Variants in OPCML observed in about 807,000 individuals in gnomAD.
The protein encoded by OPCML is opioid binding protein/cell adhesion molecule like.
A neutral mutation model predicts 37.8 loss-of-function variants in OPCML; 13 were observed. That is an observed-to-expected ratio of 0.34 (90% CI 0.22 to 0.55). OPCML has a LOEUF of 0.55. Among genes scored for constraint, OPCML ranks in the 20% least tolerant of loss-of-function variants. The probability of loss-of-function intolerance (pLI) is 0.91; values close to 1 mark genes in which losing one functional copy is unlikely to be tolerated. For missense variants in OPCML, 341 were observed against 435.6 expected (o/e 0.78, Z 1.93); for synonymous variants, 176 against 168.8 (o/e 1.04, Z -0.33).
At chr11:132,641,567 T>C (rs911061290) in intron 3 of OPCML, among the ~76,000 whole-genome samples, 4 of 152,204 alleles carry the variant, frequency 2.6e-5, no homozygotes, top group African/African-American at 9.7e-5. Context: ...ACTGTGGCAG[T>C]CAGCATGCAG....
rs184198772 is a variant in OPCML at position 132,597,884 on chromosome 11, G to T, written c.379+59203C>A. Among the ~76,000 whole-genome samples, 6 of 152,202 alleles carry T rather than the reference G, an allele frequency of 3.9e-5. No individual in the cohort carries two copies. In the East Asian group the frequency reaches 1.2e-3, roughly 29 times the overall value. ...CATTACATATACGCATTTTAATGTG[G>T]CATAGCTTCCTTCTATTCCACACAT... is the stretch of plus-strand genomic sequence containing the variant. On this transcript the variant is annotated intron_variant, in intron 3 of 7. Transcript: ENST00000524381.
chr11:132,505,249 G>A (rs199598858), intron 4 of OPCML, among the ~76,000 whole-genome samples: 28,533 of 151,898 alleles, frequency 0.19, 2,754 homozygotes, highest in Non-Finnish European at 0.2. Flanking sequence ...AAATACTGTG[G>A]AAAAAGGAAA....
At chr11:132,813,341 TC>T (rs1555192891) in intron 2 of OPCML, among the ~76,000 whole-genome samples, 2 of 152,198 alleles carry the variant, frequency 1.3e-5, no homozygotes, top group Non-Finnish European at 2.9e-5. Flanking sequence ...AACATATTTT[TC>T]CGTCAAAAGA....
chr11:132,463,335 G>T (rs139268757), intron 4 of OPCML, among the ~76,000 whole-genome samples: 73 of 152,272 alleles, frequency 4.8e-4, no homozygotes, highest in African/African-American at 1.7e-3. Flanking sequence ...AGATGAAAGG[G>T]CTGAGTTCTC....
chr11:132,991,967 T>C (rs1456450724), intron 1 of OPCML, among the ~76,000 whole-genome samples: 1 of 147,970 alleles, frequency 6.8e-6, no homozygotes, highest in East Asian at 2.0e-4. Flanking sequence ...TTGGGCAGGA[T>C]ATGGTATATA....
At chr11:132,858,812 C>A (rs1942173202) in intron 2 of OPCML, among the ~76,000 whole-genome samples, 1 of 152,138 alleles carries the variant, frequency 6.6e-6, no homozygotes, top group Admixed American at 6.5e-5. Flanking sequence ...GTTCGCAAAC[C>A]TAATTCAATG....
chr11:132,588,403 C>G (rs771963746), intron 3 of OPCML, among the ~76,000 whole-genome samples: 1 of 152,030 alleles, frequency 6.6e-6, no homozygotes, highest in Non-Finnish European at 1.5e-5. Context: ...AGAACAGATG[C>G]CAGTGGAAGA....
rs142199229 is a variant in OPCML, at chr11:133,410,406, T to A, written c.61+121858A>T. On this transcript the variant is annotated intron_variant, in intron 1 of 7. Transcript: ENST00000524381. ...CTCTGGCTATGACTACATCTGTGGT[T>A]GTTGGGAGGCAGGAGGGGAAGATGC... Among the ~76,000 whole-genome samples, 359 of 152,100 alleles carry A rather than the reference T, an allele frequency of 2.4e-3. 2 individuals carry two copies. Among genetic ancestry groups the A allele is most frequent in the African/African-American group, 8.2e-3 (340 of 41,528 alleles).
At position 132,714,655 on chromosome 11, in the gene OPCML, G is replaced by A. The variant is rs1050900023; in HGVS notation, c.147-57336C>T. 4.6e-5 allele frequency among the ~76,000 whole-genome samples: 7 copies of A among 152,286 alleles called. No individual in the cohort carries two copies. In the East Asian group the frequency reaches 5.8e-4, roughly 13 times the overall value. ...GTTGGTGCCAGAGTGGAAACAGGCC[G>A]AGAGCACTGGCTTATCGAAGAGTCT... On this transcript the variant is annotated intron_variant, in intron 2 of 7. Coordinates refer to ENST00000524381, the MANE Select transcript of OPCML (RefSeq NM_001012393.5).
intron 1 of OPCML, among the ~76,000 whole-genome samples, chr11:133,508,572 C>T (rs575853989): frequency 1.3e-5 from 2 of 152,336 alleles, no homozygotes; most frequent in East Asian, 1.9e-4. Context: ...CAAGTCCAGC[C>T]CACAGGAATC....
chr11:133,043,344 T>A (rs946082852), intron 1 of OPCML, among the ~76,000 whole-genome samples: 3 of 152,234 alleles, frequency 2.0e-5, no homozygotes, highest in African/African-American at 7.2e-5. Context: ...CAAGCCATTC[T>A]TAAGGAGCCA....
At chr11:133,412,509 A>G (rs1210978711) in intron 1 of OPCML, among the ~76,000 whole-genome samples, 1 of 152,108 alleles carries the variant, frequency 6.6e-6, no homozygotes, top group African/African-American at 2.4e-5. Context: ...CTCATCATCA[A>G]CCTCATGATA....
In OPCML at chr11:132,573,422, C is replaced by T. The variant is rs191842127; in HGVS notation, c.380-44236G>A. Among the ~76,000 whole-genome samples the T allele has an allele frequency of 2.6e-5, 4 of 152,052 alleles. No homozygotes were observed. In the East Asian group the frequency reaches 7.7e-4, roughly 29 times the overall value. On this transcript the variant is annotated intron_variant, in intron 3 of 7. Transcript: ENST00000524381. ...TTTATCATGTTGATATATTTTCCTTCTTTTCTTAGAAGGAATACTGTGTTG... is the reference window on the plus strand; with the variant it reads ...TTTATCATGTTGATATATTTTCCTTTTTTTCTTAGAAGGAATACTGTGTTG...
At chr11:133,368,073 G>A (rs1382962449) in intron 1 of OPCML, among the ~76,000 whole-genome samples, 2 of 152,162 alleles carry the variant, frequency 1.3e-5, no homozygotes, top group African/African-American at 2.4e-5. Context: ...GCCCTGCCAG[G>A]GCTGGTTATT....
chr11:132,531,188 A>C (rs983252414), intron 3 of OPCML, among the ~76,000 whole-genome samples: 1 of 152,202 alleles, frequency 6.6e-6, no homozygotes, highest in African/African-American at 2.4e-5. Context: ...TTTCTCTTTG[A>C]AAGAAAGATC....
At chr11:132,847,499 G>A (rs1941600207) in intron 2 of OPCML, among the ~76,000 whole-genome samples, 1 of 152,166 alleles carries the variant, frequency 6.6e-6, no homozygotes, top group African/African-American at 2.4e-5. Context: ...ATAAATGTTA[G>A]TGATAGTGAT....
Position 132,943,464 on chromosome 11 carries a change from G to A in OPCML, c.62-454C>T, listed in dbSNP as rs1036187968. 1.3e-5 allele frequency: 4 copies of A among 311,502 alleles called. No individual in the cohort carries two copies. Among genetic ancestry groups the A allele is most frequent in the East Asian group, 6.5e-5 (1 of 15,422 alleles). 19.3% of individuals were successfully genotyped at this position (311,502 alleles called of 1,614,324 possible). A position where few individuals can be genotyped will look rare whatever the true frequency, so the allele number is the denominator to read the frequency against. Reference sequence around the variant, plus strand: ...AGACGCTACTTTAAGATTCAGTTGGGCACGTTCTGCAGAGCTCTGGCATCA... The same window carrying A: ...AGACGCTACTTTAAGATTCAGTTGGACACGTTCTGCAGAGCTCTGGCATCA... On this transcript the variant is annotated intron_variant, in intron 1 of 7. Transcript: ENST00000524381. This position sits in a 1 kb window ranked among gnomAD's most constrained non-coding sequence, Gnocchi z 4.3.
At chr11:133,167,513 C>T (rs1164396919) in intron 1 of OPCML, among the ~76,000 whole-genome samples, 1 of 145,576 alleles carries the variant, frequency 6.9e-6, no homozygotes, top group African/African-American at 2.5e-5. Context: ...GTTTCTTGTG[C>T]CAGCTTTCTT....
At chr11:133,202,982 G>A (rs144491496) in intron 1 of OPCML, among the ~76,000 whole-genome samples, 49 of 152,316 alleles carry the variant, frequency 3.2e-4, no homozygotes, top group Non-Finnish European at 4.1e-4. Flanking sequence ...GGCCGAGCAC[G>A]TGACCTGAAT....
Sources: allele counts gnomAD v4.1 joint callset (sites outside exome capture counted in the v4.1 genomes callset), GRCh38; gene constraint gnomAD v4.1.1; non-coding constraint Gnocchi (gnomAD v3.1); transcripts MANE v1.5; gene names NCBI Gene and HGNC (gene_info 2026-07-23, HGNC 2026-07-21).